The following CNTNAP2 variants were observed in gnomAD, a reference collection of about 807,000 sequenced individuals.
The protein encoded by CNTNAP2 is contactin-associated protein-like 2.
Under a neutral mutation model 155.2 loss-of-function variants are expected in CNTNAP2, and 98 were observed. The observed-to-expected ratio is 0.63, with a 90% CI of 0.54 to 0.75. The LOEUF (loss-of-function observed/expected upper bound fraction) is 0.75. Among genes scored for constraint, CNTNAP2 ranks in the 30% least tolerant of loss-of-function variants. The pLI is 0.00. For missense variants in CNTNAP2, 1,727 were observed against 1,688.1 expected (o/e 1.02, Z -0.40); for synonymous variants, 651 against 631.2 (o/e 1.03, Z -0.47).
intron 18 of CNTNAP2, among the ~76,000 whole-genome samples, chr7:148,179,599 GGGAGGGAA>G (rs376250958): frequency 6.8e-6 from 1 of 146,032 alleles, no homozygotes; most frequent in Non-Finnish European, 1.5e-5. Flanking sequence ...GAGAGAGGGA[GGGAGGGAA>G]GGAGGGAAGG....
chr7:147,327,176 T>A lies in CNTNAP2; in HGVS notation c.1498+26886T>A, dbSNP rs545547325. 1.2e-4 allele frequency among the ~76,000 whole-genome samples: 18 copies of A among 152,360 alleles called. No individual in the cohort carries two copies. The South Asian group carries it at 3.5e-3, about 30-fold the overall frequency. The stretch of plus-strand genomic sequence containing the variant: ...TACATGCCCACAACAGAAATATTCA[T>A]TGGCTTCTTACTAGTTCTAGGAACT... On this transcript the variant is annotated intron_variant, in intron 9 of 23. Coordinates refer to ENST00000361727, the MANE Select transcript of CNTNAP2 (RefSeq NM_014141.6).
intron 3 of CNTNAP2, among the ~76,000 whole-genome samples, chr7:146,866,420 A>G (rs1795206642): frequency 6.6e-6 from 1 of 152,136 alleles, no homozygotes; most frequent in African/African-American, 2.4e-5. Flanking sequence ...AACAGTCTTT[A>G]GCTCCTGCAT....
intron 1 of CNTNAP2, among the ~76,000 whole-genome samples, chr7:146,405,646 G>T (rs545961769): frequency 6.6e-6 from 1 of 152,130 alleles, no homozygotes; most frequent in Non-Finnish European, 1.5e-5. Flanking sequence ...AATTAAACTG[G>T]CTAGTGAATT....
intron 12 of CNTNAP2, among the ~76,000 whole-genome samples, chr7:147,636,385 T>C (rs756623717): frequency 2.0e-5 from 3 of 152,216 alleles, no homozygotes; most frequent in Non-Finnish European, 4.4e-5. Context: ...GACTTTAAAC[T>C]GTTCCTAGAT....
chr7:148,368,872 T>C (rs1405834102), intron 21 of CNTNAP2, among the ~76,000 whole-genome samples: 8 of 152,194 alleles, frequency 5.3e-5, no homozygotes, highest in Non-Finnish European at 7.3e-5. Context: ...CTGGAGTCTA[T>C]AGATAACATC....
chr7:146,842,178 C>A (rs912396524), intron 3 of CNTNAP2, among the ~76,000 whole-genome samples: 23 of 152,098 alleles, frequency 1.5e-4, no homozygotes, highest in African/African-American at 4.3e-4. Context: ...TGAGCCACTG[C>A]ACCTGGCCTT....
chr7:146,197,583 T>G (rs1798795398), intron 1 of CNTNAP2, among the ~76,000 whole-genome samples: 1 of 152,192 alleles, frequency 6.6e-6, no homozygotes, highest in Non-Finnish European at 1.5e-5. Context: ...CACTAATTTG[T>G]TTCCAGATAC....
In CNTNAP2 at chr7:148,064,395, T is replaced by C. The variant is rs150498950; in HGVS notation, c.2384-53723T>C. On this transcript the variant is annotated intron_variant, in intron 15 of 23. Transcript: ENST00000361727. ...TGTTTCCATTTGTTTGTGCTATCTA[T>C]GATTTCTTTCAGTCCTAGCCAGAGC... Among the ~76,000 whole-genome samples, 388 of 152,168 alleles carry C rather than the reference T, an allele frequency of 2.5e-3. 5 individuals are homozygous for C. The highest frequency in any genetic ancestry group is 9.0e-3 in the African/African-American group (374 of 41,536).
chr7:147,772,789 A>T (rs1797495663), intron 13 of CNTNAP2, among the ~76,000 whole-genome samples: 1 of 151,950 alleles, frequency 6.6e-6, no homozygotes, highest in East Asian at 1.9e-4. Flanking sequence ...CTTTAGAGAC[A>T]TCTCCCACAT....
At chr7:148,336,173 G>A (rs1336911983) in intron 21 of CNTNAP2, among the ~76,000 whole-genome samples, 1 of 152,072 alleles carries the variant, frequency 6.6e-6, no homozygotes, top group South Asian at 2.1e-4. Flanking sequence ...GTCTTTGATT[G>A]GTTCTATCTT....
At chr7:146,411,846 A>ATTTATTTTTTTT (rs1554429873) in intron 1 of CNTNAP2, among the ~76,000 whole-genome samples, 2 of 85,112 alleles carry the variant, frequency 2.3e-5, no homozygotes, top group African/African-American at 6.6e-5. Flanking sequence ...TTATTTATTT[A>ATTTATTTTTTTT]TTTTATTTGA....
At chr7:148,287,570 C>T (rs965843420) in intron 21 of CNTNAP2, among the ~76,000 whole-genome samples, 4 of 152,068 alleles carry the variant, frequency 2.6e-5, no homozygotes, top group Admixed American at 1.3e-4. Context: ...TGCATATATC[C>T]TCTGATTTTC....
chr7:147,265,681 C>T (rs746211267), intron 8 of CNTNAP2, among the ~76,000 whole-genome samples: 61 of 152,194 alleles, frequency 4.0e-4, no homozygotes, highest in Non-Finnish European at 7.3e-5. Flanking sequence ...TTAAATGGGT[C>T]CTGGATCCCG....
At chr7:148,241,475 C>A (rs11772596) in intron 20 of CNTNAP2, among the ~76,000 whole-genome samples, 17,480 of 152,140 alleles carry the variant, frequency 0.11, 1,876 homozygotes, top group East Asian at 0.55. Flanking sequence ...GAAGAAAGAC[C>A]ATCAGTCATA....
intron 8 of CNTNAP2, among the ~76,000 whole-genome samples, chr7:147,293,150 C>G (rs1375225609): frequency 6.6e-6 from 1 of 152,150 alleles, no homozygotes; most frequent in African/African-American, 2.4e-5. Flanking sequence ...CTTAAAGTTT[C>G]TATTCAAGTG....
intron 3 of CNTNAP2, among the ~76,000 whole-genome samples, chr7:146,890,429 C>A (rs1229406702): frequency 6.6e-6 from 1 of 152,148 alleles, no homozygotes; most frequent in African/African-American, 2.4e-5. Context: ...TTCCAGCCAG[C>A]TTTTCAACAT....
intron 14 of CNTNAP2, among the ~76,000 whole-genome samples, chr7:147,924,239 A>G (rs1800342725): frequency 1.3e-5 from 2 of 149,152 alleles, no homozygotes; most frequent in South Asian, 2.1e-4. Context: ...CCTGGGCTCA[A>G]GTGATTCTCT....
intron 1 of CNTNAP2, among the ~76,000 whole-genome samples, chr7:146,744,249 A>AAAAAAAAAC (rs1801771845): frequency 1.3e-5 from 2 of 150,978 alleles, no homozygotes; most frequent in African/African-American, 2.4e-5. Context: ...AAAAAAAAAA[A>AAAAAAAAAC]AAGCATTTAG....
chr7:147,916,848 T>G (rs1800171654), intron 14 of CNTNAP2, among the ~76,000 whole-genome samples: 1 of 152,164 alleles, frequency 6.6e-6, no homozygotes, highest in Non-Finnish European at 1.5e-5. Context: ...AAGTTCACCC[T>G]CACACCCTCC....
Sources: allele counts gnomAD v4.1 joint callset (sites outside exome capture counted in the v4.1 genomes callset), GRCh38; gene constraint gnomAD v4.1.1; transcripts MANE v1.5; gene names NCBI Gene and HGNC (gene_info 2026-07-23, HGNC 2026-07-21).